PLCB1: variants seen among roughly 807,000 people sequenced by gnomAD.
PLCB1 encodes phospholipase C beta 1, also known as 1-phosphatidylinositol 4,5-bisphosphate phosphodiesterase beta-1.
In PLCB1, 46 loss-of-function variants were observed where a neutral mutation model predicts 161.8. That is an observed-to-expected ratio of 0.28 (90% CI 0.22 to 0.36). The LOEUF is 0.36. Ranked by LOEUF, PLCB1 falls within the 10% of genes least tolerant of loss-of-function variation. The pLI is 1.00. For missense variants in PLCB1, 1,016 were observed against 1,472.5 expected, an observed-to-expected ratio of 0.69 and a Z score of 5.07; for synonymous variants, 517 against 503.7, an observed-to-expected ratio of 1.03 and a Z score of -0.35.
intron 3 of PLCB1, among the ~76,000 whole-genome samples, chr20:8,394,191 T>A (rs540744908): frequency 6.6e-6 from 1 of 152,142 alleles, no homozygotes; most frequent in African/African-American, 2.4e-5. Context: ...TAGAGTGAGA[T>A]TCTCTGTCCA....
intron 3 of PLCB1, among the ~76,000 whole-genome samples, chr20:8,538,519 A>C (rs749536159): frequency 6.6e-6 from 1 of 152,058 alleles, no homozygotes; most frequent in Non-Finnish European, 1.5e-5. Context: ...CTAATTTTTA[A>C]AAAATGTTTT....
chr20:8,208,932 T>G (rs1978672933), intron 2 of PLCB1, among the ~76,000 whole-genome samples: 1 of 152,166 alleles, frequency 6.6e-6, no homozygotes, highest in Non-Finnish European at 1.5e-5. Context: ...CTGAATGATA[T>G]TAAAATTTTT....
intron 3 of PLCB1, among the ~76,000 whole-genome samples, chr20:8,476,084 C>T (rs146344149): frequency 1.8e-3 from 281 of 152,256 alleles, no homozygotes; most frequent in African/African-American, 6.3e-3. Flanking sequence ...CAGTCATTTC[C>T]GGCACCAACC....
At chr20:8,543,047 G>T (rs533159674) in intron 3 of PLCB1, among the ~76,000 whole-genome samples, 13 of 152,168 alleles carry the variant, frequency 8.5e-5, no homozygotes. Flanking sequence ...AAATGCTCTA[G>T]CACCTTGGTA....
intron 2 of PLCB1, among the ~76,000 whole-genome samples, chr20:8,340,951 G>A (rs1985786885): frequency 6.6e-6 from 1 of 152,112 alleles, no homozygotes; most frequent in Non-Finnish European, 1.5e-5. Context: ...TTTGTTCCAA[G>A]CTCTTCCTTG....
chr20:8,208,665 T>A (rs1978658192), intron 2 of PLCB1, among the ~76,000 whole-genome samples: 1 of 152,068 alleles, frequency 6.6e-6, no homozygotes, highest in South Asian at 2.1e-4. Flanking sequence ...AAAAATATGG[T>A]CCCTGCCCCA....
chr20:8,215,902 C>T (rs991813235), intron 2 of PLCB1, among the ~76,000 whole-genome samples: 1 of 151,930 alleles, frequency 6.6e-6, no homozygotes, highest in Non-Finnish European at 1.5e-5. Context: ...GTACACACAT[C>T]GTAAGAGAGA....
intron 4 of PLCB1, among the ~76,000 whole-genome samples, chr20:8,629,469 A>G (rs569370039): frequency 2.3e-4 from 35 of 152,304 alleles, no homozygotes; most frequent in Non-Finnish European, 4.6e-4. Context: ...GAAACGTCCA[A>G]TTGTCATTGA....
intron 9 of PLCB1, among the ~76,000 whole-genome samples, chr20:8,671,305 A>G (rs1276789208): frequency 1.3e-5 from 2 of 152,054 alleles, no homozygotes; most frequent in Non-Finnish European, 2.9e-5. Context: ...TAACCTGCAT[A>G]TTTTTTGCAA....
chr20:8,305,959 T>A (rs1307270136), intron 2 of PLCB1: 2 of 152,184 alleles, frequency 1.3e-5, no homozygotes, highest in Non-Finnish European at 2.9e-5. Context: ...GTGTGTGGTA[T>A]CCTCATGATT....
intron 31 of PLCB1, among the ~76,000 whole-genome samples, chr20:8,849,341 C>T (rs1229087952): frequency 6.6e-6 from 1 of 152,126 alleles, no homozygotes; most frequent in Non-Finnish European, 1.5e-5. Context: ...TGCAGACTGG[C>T]CACTGGCTCA....
chr20:8,684,091 A>T (rs546240167), intron 9 of PLCB1, among the ~76,000 whole-genome samples: 4 of 151,822 alleles, frequency 2.6e-5, no homozygotes, highest in Non-Finnish European at 5.9e-5. Flanking sequence ...TCACCGTGTT[A>T]GCCAGGATGG....
At position 8,726,031 on chromosome 20, in the gene PLCB1, G is replaced by T. The variant is rs144253637; in HGVS notation, c.1679-1278G>T. Among the ~76,000 whole-genome samples the T allele has an allele frequency of 1.7e-4, 26 of 152,212 alleles. 2 individuals are homozygous for T. The East Asian group carries it at 5.0e-3, about 29-fold the overall frequency. ...ATGGACCAAAATAAGAGAAGCCAAG[G>T]TTTGCCTTAGAGTGGATTGGAGAAG... is the stretch of plus-strand genomic sequence containing the variant. On this transcript the variant is annotated intron_variant, in intron 16 of 31. Transcript: ENST00000338037.
At chr20:8,645,992 C>A in intron 4 of PLCB1, 110 bp from the exon 5 acceptor site, 1 of 685,276 alleles carries the variant, frequency 1.5e-6, no homozygotes, top group Non-Finnish European at 2.6e-6. Context: ...AACAAAAAAC[C>A]TTTGGCATGC....
chr20:8,880,564 A>AGTT (rs1295131845), intron 31 of PLCB1, among the ~76,000 whole-genome samples: 1 of 152,214 alleles, frequency 6.6e-6, no homozygotes, highest in African/African-American at 2.4e-5. Context: ...TAAAAGTTCA[A>AGTT]GTTGGTTACA....
At chr20:8,524,625 G>A (rs1341449816) in intron 3 of PLCB1, among the ~76,000 whole-genome samples, 2 of 152,132 alleles carry the variant, frequency 1.3e-5, no homozygotes, top group Admixed American at 6.6e-5. Flanking sequence ...AAAGTTAAAC[G>A]GAGCAGATGA....
chr20:8,455,926 G>C (rs1981296755), intron 3 of PLCB1, among the ~76,000 whole-genome samples: 1 of 152,080 alleles, frequency 6.6e-6, no homozygotes, highest in Non-Finnish European at 1.5e-5. Context: ...ATCAGGCAGG[G>C]GCAGTAATCA....
chr20:8,184,789 T>TATTATTATC (rs2051883630), intron 2 of PLCB1, among the ~76,000 whole-genome samples: 1 of 147,918 alleles, frequency 6.8e-6, no homozygotes, highest in African/African-American at 2.5e-5. Context: ...TTATTATTAT[T>TATTATTATC]ATTATTATTA....
chr20:8,283,573 ATAAAT>A (rs1407447130), intron 2 of PLCB1, among the ~76,000 whole-genome samples: 4 of 151,394 alleles, frequency 2.6e-5, no homozygotes, highest in Non-Finnish European at 4.4e-5. Context: ...AAATCAATCA[ATAAAT>A]AAAATAAAAA....
Sources: allele counts gnomAD v4.1 joint callset (sites outside exome capture counted in the v4.1 genomes callset), GRCh38; gene constraint gnomAD v4.1.1; transcripts MANE v1.5; gene names NCBI Gene and HGNC (gene_info 2026-07-23, HGNC 2026-07-21).